RUNDC3B: variants seen among roughly 807,000 people sequenced by gnomAD.
RUNDC3B encodes RUN domain containing 3B.
A neutral mutation model predicts 58.4 loss-of-function variants in RUNDC3B; 33 were observed. The observed-to-expected ratio is 0.56, with a 90% CI of 0.43 to 0.75. The LOEUF (loss-of-function observed/expected upper bound fraction) is 0.75. RUNDC3B is among the 30% of genes least tolerant of loss of function. The pLI is 0.00. For synonymous variants in RUNDC3B, 193 were observed against 195.2 expected (o/e 0.99, Z 0.10); for missense variants, 501 against 535.7 (o/e 0.94, Z 0.64).
intron 9 of RUNDC3B, among the ~76,000 whole-genome samples, chr7:87,811,479 G>A (rs1011914877): frequency 1.2e-4 from 18 of 151,854 alleles, no homozygotes; most frequent in East Asian, 7.7e-4. Flanking sequence ...GACTGCAGGC[G>A]CCTGCCACCA....
chr7:87,684,267 G>A (rs1284212589), intron 2 of RUNDC3B, among the ~76,000 whole-genome samples: 2 of 152,014 alleles, frequency 1.3e-5, no homozygotes, highest in South Asian at 4.1e-4. Context: ...TTTTCATATT[G>A]TTTTATAGAT....
At chr7:87,652,516 G>A (rs568651382) in intron 2 of RUNDC3B, among the ~76,000 whole-genome samples, 5 of 151,746 alleles carry the variant, frequency 3.3e-5, no homozygotes, top group Admixed American at 1.3e-4. Flanking sequence ...TTCTACTTGT[G>A]TGACTAAGAT....
chr7:87,773,076 C>T (rs1453765675), intron 7 of RUNDC3B, among the ~76,000 whole-genome samples: 35 of 152,042 alleles, frequency 2.3e-4, no homozygotes, highest in Admixed American at 2.3e-3. Flanking sequence ...GTAATCCCAG[C>T]ACTTTGGGAG....
rs559444460 is a variant in RUNDC3B at position 87,741,226 on chromosome 7, C to G, written c.549-273C>G. ...TCTCAAAAAAAAAGAAAAAAAAAAACAAACAAAAAAACTGGGATTAAGAAT... is the reference window on the plus strand; with the variant it reads ...TCTCAAAAAAAAAGAAAAAAAAAAAGAAACAAAAAAACTGGGATTAAGAAT... On this transcript the variant is annotated intron_variant, in intron 5 of 10. Coordinates refer to ENST00000394654, the MANE Select transcript of RUNDC3B (RefSeq NM_001134405.2). Among the ~76,000 whole-genome samples, 24 of 148,218 alleles carry G rather than the reference C, an allele frequency of 1.6e-4. No homozygotes were observed. The East Asian group carries it at 3.3e-3, about 21-fold the overall frequency.
Position 87,736,855 on chromosome 7 carries a change from CTATATATA to C in RUNDC3B, c.459-2908_459-2901del, listed in dbSNP as rs1554479935. ...TATATGTATGTGTGTATATATATAC[CTATATATA>C]TATATATATATATATATATATATAT... On this transcript the variant is annotated intron_variant, in intron 4 of 10. Transcript: ENST00000394654. Among the ~76,000 whole-genome samples the C allele has an allele frequency of 7.3e-3, 264 of 36,212 alleles. 5 individuals are homozygous for C. Among genetic ancestry groups the C allele is most frequent in the Middle Eastern group, 0.024 (1 of 42 alleles). The allele number at this position is 36,212 out of a possible 152,430, so 23.8% of individuals were successfully genotyped here.
intron 1 of RUNDC3B, among the ~76,000 whole-genome samples, chr7:87,631,793 A>G (rs1821252307): frequency 6.6e-6 from 1 of 152,196 alleles, no homozygotes; most frequent in African/African-American, 2.4e-5. Flanking sequence ...TGACTTTATC[A>G]TTAACTAGTG....
At chr7:87,677,320 A>T (rs1247641204) in intron 2 of RUNDC3B, among the ~76,000 whole-genome samples, 1 of 150,226 alleles carries the variant, frequency 6.7e-6, no homozygotes, top group Non-Finnish European at 1.5e-5. Flanking sequence ...CCACAATGGA[A>T]TACCATTTCA....
chr7:87,711,041 C>A (rs1274685278), intron 4 of RUNDC3B, among the ~76,000 whole-genome samples: 2 of 151,844 alleles, frequency 1.3e-5, no homozygotes, highest in African/African-American at 4.8e-5. Flanking sequence ...AAAGAATATA[C>A]ATTGGCCGGG....
intron 1 of RUNDC3B, 42 bp from the exon 2 acceptor site, chr7:87,650,780 A>G: frequency 2.5e-6 from 3 of 1,223,992 alleles, no homozygotes; most frequent in Non-Finnish European, 3.6e-6. Context: ...TTAGGGAATG[A>G]ATCAACTCTG....
chr7:87,787,006 T>TA (rs1835256149), intron 8 of RUNDC3B, among the ~76,000 whole-genome samples: 1 of 152,186 alleles, frequency 6.6e-6, no homozygotes, highest in East Asian at 1.9e-4. Context: ...GTTGAGAGGT[T>TA]AAAGATTTAC....
At chr7:87,649,078 C>G (rs1248353065) in intron 1 of RUNDC3B, among the ~76,000 whole-genome samples, 1 of 152,088 alleles carries the variant, frequency 6.6e-6, no homozygotes, top group Non-Finnish European at 1.5e-5. Flanking sequence ...AACAGCTCCC[C>G]TTATCTTCTT....
chr7:87,750,499 T>A (rs1236856098), intron 6 of RUNDC3B, among the ~76,000 whole-genome samples: 2 of 152,078 alleles, frequency 1.3e-5, no homozygotes, highest in Admixed American at 6.5e-5. Context: ...CCACCAACAG[T>A]GTAAAAGTGT....
intron 10 of RUNDC3B, 54 bp from the exon 11 acceptor site, chr7:87,829,831 T>G: frequency 7.8e-7 from 1 of 1,284,744 alleles, no homozygotes; most frequent in Non-Finnish European, 1.1e-6. Context: ...AGGATCTTAT[T>G]TGTATCATTC....
At chr7:87,775,635 T>C (rs536435212) in intron 7 of RUNDC3B, among the ~76,000 whole-genome samples, 175 of 152,306 alleles carry the variant, frequency 1.1e-3, no homozygotes, top group African/African-American at 4.1e-3. Context: ...GTCCTGCAAG[T>C]TCCATTTCAC....
chr7:87,762,229 A>G (rs1291527593), intron 6 of RUNDC3B, among the ~76,000 whole-genome samples: 6 of 151,620 alleles, frequency 4.0e-5, no homozygotes, highest in Admixed American at 6.6e-5. Context: ...AATTATTCAT[A>G]TAGTTTTTCT....
At chr7:87,643,538 G>A (rs903706797) in intron 1 of RUNDC3B, among the ~76,000 whole-genome samples, 8 of 151,984 alleles carry the variant, frequency 5.3e-5, no homozygotes, top group African/African-American at 9.7e-5. Context: ...GTGTGGGTGC[G>A]GGGCAGGGAG....
At chr7:87,680,054 A>G (rs781184183) in intron 2 of RUNDC3B, among the ~76,000 whole-genome samples, 6 of 150,404 alleles carry the variant, frequency 4.0e-5, no homozygotes, top group Non-Finnish European at 7.4e-5. Context: ...AGGCCCCAGT[A>G]TATGACGTTC....
chr7:87,680,797 AAAAAG>A lies in RUNDC3B; in HGVS notation c.239-19609_239-19605del, dbSNP rs558068259. ...GCAAGGAGTGAAACTCCATCTCAAA[AAAAAG>A]AAAAGAAAAGAAAAAAGAAAAAGAA... is the stretch of plus-strand genomic sequence containing the variant. On this transcript the variant is annotated intron_variant, in intron 2 of 10. Transcript: ENST00000394654. Among the ~76,000 whole-genome samples the A allele has an allele frequency of 1.0e-4, 15 of 150,494 alleles. 2 individuals are homozygous for A. The highest frequency in any genetic ancestry group is 1.3e-4 in the Admixed American group (2 of 15,070).
At chr7:87,715,619 G>C (rs1830515305) in intron 4 of RUNDC3B, among the ~76,000 whole-genome samples, 1 of 149,416 alleles carries the variant, frequency 6.7e-6, no homozygotes, top group Non-Finnish European at 1.5e-5. Context: ...AACTCTTAGA[G>C]ACAACAGAAG....
Sources: gnomAD v4.1 joint callset for allele counts (sites outside exome capture counted in the v4.1 genomes callset) on GRCh38, gnomAD v4.1.1 for gene constraint, MANE v1.5 for transcripts, NCBI Gene and HGNC (gene_info 2026-07-23, HGNC 2026-07-21) for gene names.